Variants in PIK3R6 observed in about 807,000 individuals in gnomAD.
The protein encoded by PIK3R6 is phosphoinositide 3-kinase regulatory subunit 6.
PIK3R6 carries 91 observed loss-of-function variants against 84.9 expected under a neutral mutation model. The ratio of observed to expected loss-of-function variants is 1.07; its 90% CI spans 0.90 to 1.28. The LOEUF (loss-of-function observed/expected upper bound fraction) is 1.28, where lower values mean the gene tolerates loss of function less well. PIK3R6 is among the 50% of genes most tolerant of loss of function. PIK3R6 has a pLI of 0.00. For synonymous variants in PIK3R6, 416 were observed against 411.4 expected (o/e 1.01, Z -0.13); for missense variants, 996 against 985.1 (o/e 1.01, Z -0.15).
chr17:8,815,405 C>A (rs1345602953), intron 18 of PIK3R6, among the ~76,000 whole-genome samples: 2 of 151,564 alleles, frequency 1.3e-5, no homozygotes, highest in Admixed American at 6.6e-5. Context: ...ACTTGGGAGG[C>A]TGAGGCAGGA....
chr17:8,861,978 G>C (rs1284441228), intron 1 of PIK3R6, among the ~76,000 whole-genome samples: 1 of 152,224 alleles, frequency 6.6e-6, no homozygotes, highest in African/African-American at 2.4e-5. Flanking sequence ...TAGTTTTGCT[G>C]TCTCAGCTGA....
In PIK3R6 at chr17:8,842,300, A is replaced by G. The variant is rs201519527; in HGVS notation, c.14-2603T>C. Among the ~76,000 whole-genome samples, 6 of 152,202 alleles carry G rather than the reference A, an allele frequency of 3.9e-5. 1 individual carries two copies. The East Asian group carries it at 1.2e-3, about 29-fold the overall frequency. On this transcript the variant is annotated intron_variant, in intron 2 of 19. Transcript: ENST00000619866. This position sits in a 1 kb window ranked among gnomAD's most constrained non-coding sequence, Gnocchi z 4.5. Reference sequence around the variant, plus strand: ...TTCTGCTGAGCCACGCCTCCCAGCCAAAATACACGGTATGGTAGTGGTTCT... The same window carrying G: ...TTCTGCTGAGCCACGCCTCCCAGCCGAAATACACGGTATGGTAGTGGTTCT...
chr17:8,829,004 A>G lies in PIK3R6; in HGVS notation c.890-14T>C. On this transcript the variant is annotated splice_polypyrimidine_tract_variant and intron_variant, in intron 10 of 19. Coordinates refer to ENST00000619866, the MANE Select transcript of PIK3R6 (RefSeq NM_001010855.4). Reference sequence around the variant, plus strand: ...CCAGTTCCTTCCCTGGGGTGGGGGAACAAGGGCGGTGAGGACACGTGAGGC... The same window carrying G: ...CCAGTTCCTTCCCTGGGGTGGGGGAGCAAGGGCGGTGAGGACACGTGAGGC... 1 of 1,493,326 alleles carries G rather than the reference A, an allele frequency of 6.7e-7. No homozygotes were observed. Among genetic ancestry groups the G allele is most frequent in the Non-Finnish European group, 8.9e-7 (1 of 1,122,094 alleles). 92.5% of individuals were successfully genotyped at this position (1,493,326 alleles called of 1,614,324 possible).
In PIK3R6 at chr17:8,838,610, C is replaced by G. The variant is rs1319901430; in HGVS notation, c.143G>C (p.Gly48Ala). 1.2e-6 allele frequency: 2 copies of G among 1,607,612 alleles called. No homozygotes were observed. Among genetic ancestry groups the G allele is most frequent in the Non-Finnish European group, 8.5e-7 (1 of 1,177,050 alleles). ...SLHKKVERDP[G>A]KSPVLVRILL... ...AATGCGGACCAGCACTGGGCTCTTA[C>G]CGGGATCTCGCTCGACCTTCTTGTG... Residue 48 changes from glycine (G) to alanine (A), a missense_variant, in exon 4 of 20, where the codon GGT becomes GCT. Transcript: ENST00000619866.
chr17:8,805,515 G>A (rs1481894634), intron 18 of PIK3R6, among the ~76,000 whole-genome samples: 2 of 152,248 alleles, frequency 1.3e-5, no homozygotes, highest in East Asian at 3.9e-4. Context: ...GAATGGGTGA[G>A]CTGTGAGTAA....
chr17:8,834,215 G>A (rs1430007854), intron 8 of PIK3R6, among the ~76,000 whole-genome samples: 2 of 149,932 alleles, frequency 1.3e-5, no homozygotes, highest in Non-Finnish European at 3.0e-5. Context: ...AACGTTCCAA[G>A]CATAGGGAGT....
At chr17:8,808,635 G>T (rs2087269923) in intron 18 of PIK3R6, among the ~76,000 whole-genome samples, 1 of 152,164 alleles carries the variant, frequency 6.6e-6, no homozygotes, top group South Asian at 2.1e-4. Context: ...TGCTAACTTA[G>T]TTCAATGCAG....
intron 16 of PIK3R6, 82 bp from the exon 17 acceptor site, chr17:8,822,018 T>A: frequency 9.2e-7 from 1 of 1,087,438 alleles, no homozygotes; most frequent in Non-Finnish European, 1.3e-6. Flanking sequence ...CAGTCTTGCC[T>A]CTCTCCCCTG....
chr17:8,827,331 T>C lies in PIK3R6; in HGVS notation c.1393-37A>G, dbSNP rs1359264197. 3 of 1,539,520 alleles carry C rather than the reference T, an allele frequency of 1.9e-6. No individual in the cohort carries two copies. The African/African-American group carries it at 4.1e-5, about 21-fold the overall frequency. ...GGGATGGGGCAGACCCGTCAGGCCC[T>C]CTCTCCAGCTCTGCCTTCCAGCTGC... On this transcript the variant is annotated intron_variant, in intron 12 of 19. Coordinates refer to ENST00000619866, the MANE Select transcript of PIK3R6 (RefSeq NM_001010855.4).
intron 1 of PIK3R6, among the ~76,000 whole-genome samples, chr17:8,853,296 T>C (rs1340380402): frequency 1.3e-5 from 2 of 151,194 alleles, no homozygotes; most frequent in African/African-American, 2.4e-5. Context: ...CCATCCTGGC[T>C]AACATGGTGA....
chr17:8,803,613 C>T lies in PIK3R6; in HGVS notation c.2109-184G>A, dbSNP rs1053344703. ...AGAAAAACCTGGGCCTGGGGTTCAC[C>T]GGGAGAGGAGACACTTGGAGCAAGT... On this transcript the variant is annotated intron_variant, in intron 19 of 19. Coordinates refer to ENST00000619866, the MANE Select transcript of PIK3R6 (RefSeq NM_001010855.4). This position sits in a 1 kb window ranked among gnomAD's most constrained non-coding sequence, Gnocchi z 5.0. 37 of 612,672 alleles carry T rather than the reference C, an allele frequency of 6.0e-5. 1 individual carries two copies. Among genetic ancestry groups the T allele is most frequent in the Non-Finnish European group, 7.7e-5 (28 of 364,018 alleles). The allele number at this position is 612,672 out of a possible 1,614,324, so 38.0% of individuals were successfully genotyped here.
At chr17:8,865,722 GC>G (rs2089393956) in intron 1 of PIK3R6, among the ~76,000 whole-genome samples, 1 of 151,770 alleles carries the variant, frequency 6.6e-6, no homozygotes, top group African/African-American at 2.4e-5. Flanking sequence ...TTTAGCCCTT[GC>G]CCCCATGAGG....
chr17:8,819,315 T>G, intron 17 of PIK3R6, 117 bp from the exon 18 acceptor site: 3 of 644,872 alleles, frequency 4.7e-6, no homozygotes, highest in Non-Finnish European at 7.7e-6. Context: ...TCACTCCTCC[T>G]TGGGCCCCCA....
intron 1 of PIK3R6, among the ~76,000 whole-genome samples, chr17:8,864,021 G>A (rs2089344975): frequency 6.6e-6 from 1 of 152,158 alleles, no homozygotes; most frequent in Non-Finnish European, 1.5e-5. Flanking sequence ...GCAATGAGTG[G>A]GGGACACTAG....
chr17:8,809,047 A>T (rs1370809075), intron 18 of PIK3R6, among the ~76,000 whole-genome samples: 11 of 152,180 alleles, frequency 7.2e-5, no homozygotes, highest in Admixed American at 7.2e-4. Flanking sequence ...ATAACTTCAA[A>T]TATACATATT....
Position 8,831,328 on chromosome 17 carries a change from T to TAAAAAAAA in PIK3R6, c.803-1544_803-1537dup, listed in dbSNP as rs60650147. Among the ~76,000 whole-genome samples the TAAAAAAAA allele has an allele frequency of 4.8e-4, 16 of 33,080 alleles. 2 individuals are homozygous for TAAAAAAAA. The highest frequency in any genetic ancestry group is 3.7e-3 in the East Asian group (3 of 806). 21.7% of individuals were successfully genotyped at this position (33,080 alleles called of 152,430 possible). On this transcript the variant is annotated intron_variant, in intron 9 of 19. Coordinates refer to ENST00000619866, the MANE Select transcript of PIK3R6 (RefSeq NM_001010855.4). ...CTGGGTGACAGAGCAAGACCCTGTC[T>TAAAAAAAA]AAAAAAAAAAAAAAAAAAAAAAAAA...
chr17:8,833,541 C>CTTTTTTT (rs3884448), intron 8 of PIK3R6, among the ~76,000 whole-genome samples: 2 of 130,798 alleles, frequency 1.5e-5, no homozygotes, highest in Non-Finnish European at 3.2e-5. Flanking sequence ...GAGAAAGTGA[C>CTTTTTTT]TTTTTTTTTT....
chr17:8,855,501 A>C (rs2151307436), intron 1 of PIK3R6, among the ~76,000 whole-genome samples: 1 of 152,308 alleles, frequency 6.6e-6, no homozygotes, highest in African/African-American at 2.4e-5. Flanking sequence ...GCAGATGAAA[A>C]CCATGAGATC....
chr17:8,819,047 T>G, intron 18 of PIK3R6, 36 bp downstream of exon 18: 1 of 1,477,996 alleles, frequency 6.8e-7, no homozygotes, highest in Middle Eastern at 2.4e-4. Flanking sequence ...CTGTCCCAGC[T>G]GGCTGTCTCC....
Sources: gnomAD v4.1 joint callset for allele counts (sites outside exome capture counted in the v4.1 genomes callset) on GRCh38, gnomAD v4.1.1 for gene constraint, Gnocchi (gnomAD v3.1) non-coding constraint, MANE v1.5 for transcripts, NCBI Gene and HGNC (gene_info 2026-07-23, HGNC 2026-07-21) for gene names.